Variants in CTNNA3 observed in about 807,000 individuals in gnomAD.
The protein encoded by CTNNA3 is catenin alpha 3.
In CTNNA3, 76 loss-of-function variants were observed where a neutral mutation model predicts 95.7. The ratio of observed to expected loss-of-function variants is 0.79; its 90% CI spans 0.66 to 0.96. The LOEUF (loss-of-function observed/expected upper bound fraction) is 0.96. Among genes scored for constraint, CTNNA3 ranks in the 40% least tolerant of loss-of-function variants. The pLI, the probability that CTNNA3 is intolerant of heterozygous loss-of-function variation, is 0.00. For missense variants in CTNNA3, 1,191 were observed against 1,089.8 expected, an observed-to-expected ratio of 1.09 and a Z score of -1.31; for synonymous variants, 431 against 374.4, an observed-to-expected ratio of 1.15 and a Z score of -1.74.
chr10:67,421,619 G>A (rs1261324338), intron 5 of CTNNA3, among the ~76,000 whole-genome samples: 1 of 151,688 alleles, frequency 6.6e-6, no homozygotes, highest in African/African-American at 2.4e-5. Flanking sequence ...CCCTTCTTTG[G>A]GTTTCTTGAA....
rs148445097 is a variant in CTNNA3 at position 66,978,928 on chromosome 10, T to G, written c.1047+201389A>C. Among the ~76,000 whole-genome samples, 803 of 150,982 alleles carry G rather than the reference T, an allele frequency of 5.3e-3. 9 individuals carry two copies. The highest frequency in any genetic ancestry group is 0.018 in the African/African-American group (762 of 41,294). Reference sequence around the variant, plus strand: ...AAATCTTGACTAGCGACAAGTCCCTTGTTAAATAGCCACTCCTCACATACT... The same window carrying G: ...AAATCTTGACTAGCGACAAGTCCCTGGTTAAATAGCCACTCCTCACATACT... On this transcript the variant is annotated intron_variant, in intron 7 of 17. Coordinates refer to ENST00000433211, the MANE Select transcript of CTNNA3 (RefSeq NM_013266.4).
intron 3 of CTNNA3, among the ~76,000 whole-genome samples, chr10:67,544,430 G>A (rs1840778036): frequency 8.6e-6 from 1 of 115,830 alleles, no homozygotes. Context: ...ACAGGAAGGG[G>A]AAACCAAGGC....
rs1218134296 is a variant in CTNNA3, at chr10:67,742,017, G to C, written c.-2+21417C>G. ...CCCAGATTCATAAAGCAAGTCCTTA[G>C]AGACCTACAAAGAGACTTAGATTGC... On this transcript the variant is annotated intron_variant, in intron 1 of 17. Transcript: ENST00000684154. Among the ~76,000 whole-genome samples, 18 of 151,120 alleles carry C rather than the reference G, an allele frequency of 1.2e-4. No individual in the cohort carries two copies. The Admixed American group carries it at 1.2e-3, about 10-fold the overall frequency.
At chr10:66,222,122 T>C (rs2088964617) in intron 13 of CTNNA3, among the ~76,000 whole-genome samples, 1 of 152,170 alleles carries the variant, frequency 6.6e-6, no homozygotes. Flanking sequence ...TTGAAAGATT[T>C]GGTAGAAAAT....
At chr10:67,643,625 G>C (rs961629946) in intron 2 of CTNNA3, among the ~76,000 whole-genome samples, 1 of 151,642 alleles carries the variant, frequency 6.6e-6, no homozygotes, top group Non-Finnish European at 1.5e-5. Context: ...ATGGTGGTTT[G>C]CTGCATCCAT....
At chr10:67,376,417 G>A (rs1212418201) in intron 5 of CTNNA3, among the ~76,000 whole-genome samples, 2 of 152,176 alleles carry the variant, frequency 1.3e-5, no homozygotes, top group Non-Finnish European at 2.9e-5. Flanking sequence ...CTACCTTATA[G>A]TCAATATCCT....
At chr10:65,959,165 G>A (rs1336633050) in intron 17 of CTNNA3, among the ~76,000 whole-genome samples, 1 of 152,188 alleles carries the variant, frequency 6.6e-6, no homozygotes, top group Non-Finnish European at 1.5e-5. Context: ...AGTGAGTGAG[G>A]CTCTGTGGGA....
chr10:66,729,343 T>C (rs1848879923), intron 9 of CTNNA3, among the ~76,000 whole-genome samples: 1 of 152,238 alleles, frequency 6.6e-6, no homozygotes, highest in Non-Finnish European at 1.5e-5. Context: ...ATTTTTACAC[T>C]GCAGGTGAGA....
At chr10:67,030,316 T>C (rs1320568326) in intron 7 of CTNNA3, among the ~76,000 whole-genome samples, 4 of 152,186 alleles carry the variant, frequency 2.6e-5, no homozygotes, top group Non-Finnish European at 5.9e-5. Flanking sequence ...GCAATCTGCA[T>C]ATGCTATCAT....
chr10:67,485,475 G>T (rs1261231454), intron 5 of CTNNA3, among the ~76,000 whole-genome samples: 1 of 151,988 alleles, frequency 6.6e-6, no homozygotes, highest in Non-Finnish European at 1.5e-5. Flanking sequence ...GTACAAACCT[G>T]CACATGTACC....
intron 12 of CTNNA3, among the ~76,000 whole-genome samples, chr10:66,297,914 G>A (rs2091805153): frequency 6.6e-6 from 1 of 152,312 alleles, no homozygotes. Context: ...GAAAGCAGAT[G>A]AGTATAATAG....
At chr10:66,427,947 C>T (rs2093257303) in intron 11 of CTNNA3, among the ~76,000 whole-genome samples, 1 of 152,054 alleles carries the variant, frequency 6.6e-6, no homozygotes, top group Non-Finnish European at 1.5e-5. Context: ...AATTAAAAGA[C>T]ACAGACTGGC....
intron 2 of CTNNA3, among the ~76,000 whole-genome samples, chr10:67,634,544 G>C (rs866733646): frequency 4.6e-5 from 7 of 152,148 alleles, no homozygotes; most frequent in African/African-American, 1.7e-4. Flanking sequence ...GTTGGATAAA[G>C]AGCCAAGACC....
intron 7 of CTNNA3, among the ~76,000 whole-genome samples, chr10:66,783,903 T>C (rs1840638592): frequency 6.6e-6 from 1 of 152,150 alleles, no homozygotes; most frequent in African/African-American, 2.4e-5. Context: ...CAGGTTTTCA[T>C]AGTTTAATAA....
intron 3 of CTNNA3, among the ~76,000 whole-genome samples, chr10:67,598,702 C>T (rs901036244): frequency 2.0e-5 from 3 of 152,104 alleles, no homozygotes; most frequent in African/African-American, 7.2e-5. Flanking sequence ...ATTTATATGG[C>T]ATTTCCTGTA....
chr10:66,427,375 T>A (rs975944762), intron 11 of CTNNA3, among the ~76,000 whole-genome samples: 1 of 152,046 alleles, frequency 6.6e-6, no homozygotes, highest in African/African-American at 2.4e-5. Context: ...ATTCTGTTAG[T>A]TGTATTTGTA....
chr10:67,451,927 T>TA (rs1362542642), intron 5 of CTNNA3, among the ~76,000 whole-genome samples: 1 of 151,982 alleles, frequency 6.6e-6, no homozygotes. Context: ...ACAGGTTAAG[T>TA]AATCCCATAC....
At chr10:67,521,732 C>CT in intron 5 of CTNNA3, 110 bp downstream of exon 5, 1 of 1,367,838 alleles carries the variant, frequency 7.3e-7, no homozygotes, top group Non-Finnish European at 1.0e-6. Flanking sequence ...TGTATCTGCT[C>CT]TAACCATTAG....
At chr10:67,457,982 G>A (rs1847234365) in intron 5 of CTNNA3, among the ~76,000 whole-genome samples, 1 of 152,028 alleles carries the variant, frequency 6.6e-6, no homozygotes, top group South Asian at 2.1e-4. Flanking sequence ...CATATTTATA[G>A]TACAGAATTA....
Sources: gnomAD v4.1 joint callset for allele counts (sites outside exome capture counted in the v4.1 genomes callset) on GRCh38, gnomAD v4.1.1 for gene constraint, MANE v1.5 for transcripts, NCBI Gene and HGNC (gene_info 2026-07-23, HGNC 2026-07-21) for gene names.